Variants in GFPT1 observed in about 807,000 individuals in gnomAD.
GFPT1 encodes glutamine--fructose-6-phosphate transaminase 1.
Under a neutral mutation model 92.0 loss-of-function variants are expected in GFPT1, and 40 were observed. That is an observed-to-expected ratio of 0.43 (90% CI 0.34 to 0.57). GFPT1 has a LOEUF of 0.57. Ranked by LOEUF, GFPT1 falls within the 20% of genes least tolerant of loss-of-function variation. GFPT1 has a pLI of 0.02. For missense variants in GFPT1, 448 were observed against 869.1 expected (o/e 0.52, Z 6.09); for synonymous variants, 269 against 280.6 (o/e 0.96, Z 0.41).
chr2:69,359,788 G>A (rs1671423604), intron 4 of GFPT1, among the ~76,000 whole-genome samples: 1 of 152,140 alleles, frequency 6.6e-6, no homozygotes, highest in Non-Finnish European at 1.5e-5. Flanking sequence ...TACACTAAAT[G>A]AATTTAAGAA....
intron 10 of GFPT1, among the ~76,000 whole-genome samples, chr2:69,348,899 A>G (rs1310642089): frequency 1.3e-5 from 2 of 152,142 alleles, no homozygotes; most frequent in Non-Finnish European, 2.9e-5. Context: ...CTCCTTCTCC[A>G]GCTTCATCTC....
At position 69,326,101 on chromosome 2, in the gene GFPT1, G is replaced by T; in HGVS notation, c.*88C>A. The T allele has an allele frequency of 1.2e-6, 1 of 810,870 alleles. No individual in the cohort carries two copies. The highest frequency in any genetic ancestry group is 2.1e-6 in the Non-Finnish European group (1 of 475,438). 50.2% of individuals were successfully genotyped at this position (810,870 alleles called of 1,614,324 possible). A position where few individuals can be genotyped will look rare whatever the true frequency, so the allele number is the denominator to read the frequency against. ...GGATTTACTAAAAAAAGGCTTCAAG[G>T]GGTGATATTTTAAATCAAGGTTTTA... On this transcript the variant is annotated 3_prime_UTR_variant, in exon 20 of 20. Coordinates refer to ENST00000357308, the MANE Select transcript of GFPT1 (RefSeq NM_001244710.2).
At chr2:69,351,101 G>A (rs1278447453) in intron 9 of GFPT1, among the ~76,000 whole-genome samples, 1 of 152,154 alleles carries the variant, frequency 6.6e-6, no homozygotes, top group African/African-American at 2.4e-5. Context: ...GGCACCCACT[G>A]TTAGAGACAA....
chr2:69,324,001 C>T lies in GFPT1; in HGVS notation c.*2188G>A, dbSNP rs1329264871. The T allele has an allele frequency of 6.6e-6, 1 of 152,268 alleles. No individual in the cohort carries two copies. Among genetic ancestry groups the T allele is most frequent in the African/African-American group, 2.4e-5 (1 of 41,420 alleles). The allele number at this position is 152,268 out of a possible 1,614,324, so 9.4% of individuals were successfully genotyped here. On this transcript the variant is annotated 3_prime_UTR_variant, in exon 20 of 20. Coordinates refer to ENST00000357308, the MANE Select transcript of GFPT1 (RefSeq NM_001244710.2). ...AAAAATTTTTGTAAAGACCAGGTCT[C>T]ACCATGTTGCCCAGGCTGTTCTCCA... is the stretch of plus-strand genomic sequence containing the variant.
intron 9 of GFPT1, among the ~76,000 whole-genome samples, chr2:69,351,915 G>A (rs969152439): frequency 1.8e-4 from 28 of 152,138 alleles, no homozygotes; most frequent in African/African-American, 5.8e-4. Context: ...ATGCAATTTC[G>A]CATCTGACAA....
chr2:69,340,107 C>G (rs557053123), intron 13 of GFPT1, among the ~76,000 whole-genome samples: 1 of 146,894 alleles, frequency 6.8e-6, no homozygotes, highest in Non-Finnish European at 1.5e-5. Context: ...TTTATCTGTG[C>G]TAATTAATAG....
In GFPT1 at chr2:69,329,741, G is replaced by T; in HGVS notation, c.1540C>A (p.Arg514=). 6.2e-7 allele frequency: 1 copy of T among 1,613,222 alleles called. No homozygotes were observed. Among genetic ancestry groups the T allele is most frequent in the Non-Finnish European group, 8.5e-7 (1 of 1,179,348 alleles). Residue 514 remains arginine (R), a synonymous_variant, in exon 16 of 20, where the codon CGG becomes AGG. Coordinates refer to ENST00000357308, the MANE Select transcript of GFPT1 (RefSeq NM_001244710.2). The part of the protein sequence containing the change: ...VMFALMMCDD[R]ISMQERRKEI... Reference sequence around the variant, plus strand: ...TTGCGTCTTTCTTGCATGGAGATCCGATCATCACACATCATAAGGGCAAAC... The same window carrying T: ...TTGCGTCTTTCTTGCATGGAGATCCTATCATCACACATCATAAGGGCAAAC...
In GFPT1 at chr2:69,345,956, T is replaced by C. The variant is rs771855185; in HGVS notation, c.1053A>G (p.Pro351=). Residue 351 remains proline (P), a synonymous_variant, in exon 12 of 20, where the codon CCA becomes CCG. Transcript: ENST00000357308. ...CTCTCATTGTGTTCACGACAGACTC[T>C]GGCTGCTCAAATATTTCCTTCTGCA... The part of the protein sequence containing the change: ...SFMQKEIFEQ[P]ESVVNTMRGR... 1 of 1,608,198 alleles carries C rather than the reference T, an allele frequency of 6.2e-7. No individual in the cohort carries two copies. Among genetic ancestry groups the C allele is most frequent in the Non-Finnish European group, 8.5e-7 (1 of 1,174,552 alleles).
chr2:69,361,421 C>T (rs1341193112), intron 4 of GFPT1, among the ~76,000 whole-genome samples: 1 of 143,344 alleles, frequency 7.0e-6, no homozygotes, highest in East Asian at 2.1e-4. Flanking sequence ...GCACTCCAGC[C>T]TTGGAGAAAG....
At chr2:69,360,148 C>T (rs570698539) in intron 4 of GFPT1, among the ~76,000 whole-genome samples, 6 of 151,926 alleles carry the variant, frequency 3.9e-5, no homozygotes, top group East Asian at 1.9e-4. Context: ...TTCAACATGG[C>T]GAAACCCTGT....
At chr2:69,343,580 T>A (rs1671008649) in intron 12 of GFPT1, among the ~76,000 whole-genome samples, 1 of 151,112 alleles carries the variant, frequency 6.6e-6, no homozygotes, top group Non-Finnish European at 1.5e-5. Context: ...CCCAGCTAAT[T>A]TTTTTCTATT....
rs1178669757 is a variant in GFPT1, at chr2:69,363,661, T to A, written c.233A>T (p.Asp78Val). 1 of 1,604,442 alleles carries A rather than the reference T, an allele frequency of 6.2e-7. No individual in the cohort carries two copies. The highest frequency in any genetic ancestry group is 8.5e-7 in the Non-Finnish European group (1 of 1,171,240). ...ATCAAATTCTATATCCAAATCCATA[T>A]CTTGTTGCTCTGAAGAATATGAAAA... ...ALDEEVHKQQ[D>V]MDLDIEFDVH... The change falls in exon 4 of 20, where the codon GAT (aspartate) becomes GTT (valine). Residue 78 changes from aspartate (D) to valine (V), a missense_variant. Transcript: ENST00000357308.
intron 9 of GFPT1, among the ~76,000 whole-genome samples, chr2:69,352,794 C>A (rs1054080777): frequency 2.0e-5 from 3 of 150,958 alleles, no homozygotes; most frequent in African/African-American, 4.9e-5. Context: ...ACCTGTAATC[C>A]CAGCACTTTG....
chr2:69,358,540 G>T, intron 5 of GFPT1, 77 bp from the exon 6 acceptor site: 1 of 982,206 alleles, frequency 1.0e-6, no homozygotes, highest in Non-Finnish European at 1.6e-6. Context: ...GAATTGTTCC[G>T]TCAAAATGCC....
Position 69,338,664 on chromosome 2 carries a change from C to T in GFPT1, c.1204-99G>A, listed in dbSNP as rs1670860804. 6.3e-6 allele frequency: 7 copies of T among 1,103,504 alleles called. No individual in the cohort carries two copies. The South Asian group carries it at 6.6e-5, about 10-fold the overall frequency. The allele number at this position is 1,103,504 out of a possible 1,614,324, so 68.4% of individuals were successfully genotyped here. ...GTATAGTTTTTGCTTTTTCTGATTA[C>T]AAAAATGACACGTTAGAAAATAAAA... is the stretch of plus-strand genomic sequence containing the variant. On this transcript the variant is annotated intron_variant, in intron 13 of 19. Transcript: ENST00000357308.
chr2:69,381,863 C>CTT (rs200800795), intron 1 of GFPT1, among the ~76,000 whole-genome samples: 2,507 of 143,066 alleles, frequency 0.018, 37 homozygotes, highest in African/African-American at 0.043. Context: ...ACTTATAACT[C>CTT]TTTTTTTTTT....
At chr2:69,339,761 T>G (rs1670891860) in intron 13 of GFPT1, among the ~76,000 whole-genome samples, 1 of 152,110 alleles carries the variant, frequency 6.6e-6, no homozygotes, top group African/African-American at 2.4e-5. Context: ...TTTACTTGGT[T>G]CCCCCAAAAA....
chr2:69,359,247 T>C (rs570745163), intron 5 of GFPT1, 21 bp downstream of exon 5: 4 of 1,386,560 alleles, frequency 2.9e-6, no homozygotes, highest in Admixed American at 1.7e-5. Flanking sequence ...GACTGGGGTC[T>C]TTTGAGGTCA....
At chr2:69,367,733 A>T (rs190469555) in intron 3 of GFPT1, among the ~76,000 whole-genome samples, 1 of 152,262 alleles carries the variant, frequency 6.6e-6, no homozygotes, top group African/African-American at 2.4e-5. Flanking sequence ...TGCAACAGTG[A>T]ATCTTGTTGT....
Sources: gnomAD v4.1 joint callset for allele counts (sites outside exome capture counted in the v4.1 genomes callset) on GRCh38, gnomAD v4.1.1 for gene constraint, MANE v1.5 for transcripts, NCBI Gene and HGNC (gene_info 2026-07-23, HGNC 2026-07-21) for gene names.